Variants in RBM46 observed in about 807,000 individuals in gnomAD.
RBM46 encodes RNA binding motif protein 46.
In RBM46, 12 loss-of-function variants were observed where a neutral mutation model predicts 43.3. The observed-to-expected ratio is 0.28, with a 90% CI of 0.18 to 0.45. The LOEUF is 0.45. Among genes scored for constraint, RBM46 ranks in the 20% least tolerant of loss-of-function variants. The probability of loss-of-function intolerance (pLI) is 1.00; values close to 1 mark genes in which losing one functional copy is unlikely to be tolerated. For missense variants in RBM46, 412 were observed against 639.1 expected, an observed-to-expected ratio of 0.64 and a Z score of 3.83; for synonymous variants, 205 against 207.6, an observed-to-expected ratio of 0.99 and a Z score of 0.11.
intron 4 of RBM46, chr4:154,826,985 G>T: frequency 2.3e-6 from 3 of 1,279,466 alleles, no homozygotes; most frequent in Middle Eastern, 2.2e-4. Context: ...TCTAAATAAT[G>T]ATTTTATAGT....
At chr4:154,827,106 A>G (rs1043053324) in intron 4 of RBM46, 3 of 1,057,994 alleles carry the variant, frequency 2.8e-6, no homozygotes, top group East Asian at 1.2e-4. Context: ...TAAATGTTGC[A>G]GTTAATGAAA....
At chr4:154,826,375 T>C (rs1263650188) in intron 4 of RBM46, among the ~76,000 whole-genome samples, 4 of 152,046 alleles carry the variant, frequency 2.6e-5, no homozygotes, top group Non-Finnish European at 5.9e-5. Context: ...AGAGAATTGC[T>C]TGAACCCAGG....
chr4:154,812,734 TC>T (rs1187509285), intron 4 of RBM46, among the ~76,000 whole-genome samples: 1 of 152,196 alleles, frequency 6.6e-6, no homozygotes, highest in Non-Finnish European at 1.5e-5. Flanking sequence ...CTCCACATTC[TC>T]CTGTTCAGAA....
chr4:154,796,987 C>A, intron 2 of RBM46, 84 bp downstream of exon 2: 1 of 1,128,328 alleles, frequency 8.9e-7, no homozygotes, highest in Non-Finnish European at 1.3e-6. Context: ...GTATTCCAAA[C>A]AATAGCTCTC....
chr4:154,817,176 G>T (rs922212949), intron 4 of RBM46, among the ~76,000 whole-genome samples: 1 of 151,882 alleles, frequency 6.6e-6, no homozygotes, highest in African/African-American at 2.4e-5. Flanking sequence ...TTCTCTGTAA[G>T]AATTTATATA....
intron 4 of RBM46, among the ~76,000 whole-genome samples, chr4:154,818,889 T>C (rs550031720): frequency 1.3e-5 from 2 of 152,326 alleles, no homozygotes; most frequent in African/African-American, 4.8e-5. Context: ...TTCTCAGTTC[T>C]AGAATTAAAT....
At chr4:154,782,277 C>A (rs1733525087) in intron 1 of RBM46, among the ~76,000 whole-genome samples, 1 of 152,142 alleles carries the variant, frequency 6.6e-6, no homozygotes, top group African/African-American at 2.4e-5. Context: ...TTAATCCTGG[C>A]GTTGATATTC....
intron 4 of RBM46, among the ~76,000 whole-genome samples, chr4:154,811,955 A>C (rs543501871): frequency 1.3e-5 from 2 of 151,716 alleles, no homozygotes; most frequent in Admixed American, 6.6e-5. Flanking sequence ...TGCTAGGATT[A>C]CAGGCATGAA....
At chr4:154,822,691 A>AT (rs370301028) in intron 4 of RBM46, among the ~76,000 whole-genome samples, 5 of 151,604 alleles carry the variant, frequency 3.3e-5, no homozygotes, top group African/African-American at 4.8e-5. Flanking sequence ...TACAATGAGG[A>AT]TTTTTTTTAA....
intron 4 of RBM46, among the ~76,000 whole-genome samples, chr4:154,813,381 G>A (rs1024601184): frequency 6.6e-6 from 1 of 151,768 alleles, no homozygotes; most frequent in African/African-American, 2.4e-5. Flanking sequence ...TATAGACAGG[G>A]GCATATGGAT....
chr4:154,787,226 T>A (rs1733822510), intron 1 of RBM46: 1 of 152,094 alleles, frequency 6.6e-6, no homozygotes, highest in Non-Finnish European at 1.5e-5. Flanking sequence ...ATACTTTAAG[T>A]TCTAGGGTAC....
intron 4 of RBM46, among the ~76,000 whole-genome samples, chr4:154,815,885 A>T (rs376374138): frequency 6.6e-6 from 1 of 152,020 alleles, no homozygotes; most frequent in East Asian, 1.9e-4. Context: ...TCTTTTAGAA[A>T]CTTCATATCA....
chr4:154,800,737 A>G lies in RBM46; in HGVS notation c.1402+1173A>G, dbSNP rs187933879. On this transcript the variant is annotated intron_variant, in intron 4 of 4. Coordinates refer to ENST00000281722, the MANE Select transcript of RBM46 (RefSeq NM_144979.5). ...TTCCTGAGAATCAAATAAAAGAGAA[A>G]GATCTTTTGAGTGTTATCATTGTTT... Among the ~76,000 whole-genome samples, 287 of 152,234 alleles carry G rather than the reference A, an allele frequency of 1.9e-3. 1 individual carries two copies. Among genetic ancestry groups the G allele is most frequent in the African/African-American group, 5.5e-3 (228 of 41,532 alleles).
intron 4 of RBM46, among the ~76,000 whole-genome samples, chr4:154,819,699 A>G (rs1735636602): frequency 6.6e-6 from 1 of 152,176 alleles, no homozygotes. Context: ...ATAGGTTATC[A>G]GAAATTTTTC....
At chr4:154,808,979 C>T (rs374521810) in intron 4 of RBM46, among the ~76,000 whole-genome samples, 19 of 151,846 alleles carry the variant, frequency 1.3e-4, no homozygotes, top group African/African-American at 4.6e-4. Context: ...ACTGTGAAGG[C>T]ACTCACTTAG....
chr4:154,784,454 A>T (rs904920633), intron 1 of RBM46, among the ~76,000 whole-genome samples: 6 of 152,218 alleles, frequency 3.9e-5, no homozygotes, highest in East Asian at 1.9e-4. Flanking sequence ...GCACTTAAAG[A>T]TAAAGGCTTG....
intron 4 of RBM46, among the ~76,000 whole-genome samples, chr4:154,814,871 C>T (rs1463119999): frequency 6.7e-6 from 1 of 150,374 alleles, no homozygotes; most frequent in Non-Finnish European, 1.5e-5. Context: ...TAAGCTATAA[C>T]ATTACATACA....
At chr4:154,799,750 C>CTTT (rs1241336840) in intron 4 of RBM46, among the ~76,000 whole-genome samples, 186 bp downstream of exon 4, 1 of 134,538 alleles carries the variant, frequency 7.4e-6, no homozygotes. Flanking sequence ...CTACATTTAG[C>CTTT]TTTTCTTTTT....
At chr4:154,818,704 C>G (rs1224835897) in intron 4 of RBM46, among the ~76,000 whole-genome samples, 1 of 152,098 alleles carries the variant, frequency 6.6e-6, no homozygotes, top group African/African-American at 2.4e-5. Flanking sequence ...GGTAATCCAG[C>G]TACACATATG....
Sources: gnomAD v4.1 joint callset for allele counts (sites outside exome capture counted in the v4.1 genomes callset) on GRCh38, gnomAD v4.1.1 for gene constraint, MANE v1.5 for transcripts, NCBI Gene and HGNC (gene_info 2026-07-23, HGNC 2026-07-21) for gene names.